CARMIL1: variants seen among roughly 807,000 people sequenced by gnomAD.
CARMIL1 encodes capping protein regulator and myosin 1 linker 1.
A neutral mutation model predicts 177.1 loss-of-function variants in CARMIL1; 90 were observed. That is an observed-to-expected ratio of 0.51 (90% confidence interval 0.43 to 0.61). The LOEUF is 0.61. Ranked by LOEUF, CARMIL1 falls within the 20% of genes least tolerant of loss-of-function variation. CARMIL1 has a pLI of 0.00. For missense variants in CARMIL1, 1,380 were observed against 1,667.0 expected, an observed-to-expected ratio of 0.83 and a Z score of 3.00; for synonymous variants, 577 against 606.2, an observed-to-expected ratio of 0.95 and a Z score of 0.71.
chr6:25,509,797 G>A lies in CARMIL1; in HGVS notation c.1477+60G>A. On this transcript the variant is annotated intron_variant, in intron 18 of 36. Coordinates refer to ENST00000329474, the MANE Select transcript of CARMIL1 (RefSeq NM_017640.6). The surrounding 1 kb of genome is among the most constrained non-coding windows in gnomAD (Gnocchi z 4.1). ...TATTTTTTGAAGCAAGTTAATAAGG[G>A]GAAAATAATCTTCTACCCAAATCCA... The A allele has an allele frequency of 2.5e-6, 3 of 1,198,444 alleles. No homozygotes were observed. The highest frequency in any genetic ancestry group is 1.3e-5 in the South Asian group (1 of 74,448). 74.2% of individuals were successfully genotyped at this position (1,198,444 alleles called of 1,614,324 possible). A position where few individuals can be genotyped will look rare whatever the true frequency, so the allele number is the denominator to read the frequency against.
intron 4 of CARMIL1, among the ~76,000 whole-genome samples, chr6:25,429,074 A>G (rs1257757929): frequency 5.9e-5 from 9 of 152,144 alleles, no homozygotes; most frequent in African/African-American, 1.9e-4. Context: ...CAATTCCTAC[A>G]TATTTTGCTG....
intron 16 of CARMIL1, among the ~76,000 whole-genome samples, chr6:25,496,585 A>G (rs1210174858): frequency 3.9e-5 from 6 of 152,194 alleles, no homozygotes; most frequent in African/African-American, 9.6e-5. Context: ...ATCCCTAAAT[A>G]TAACAGCCAC....
chr6:25,368,430 A>G (rs1179482228), intron 2 of CARMIL1, among the ~76,000 whole-genome samples: 1 of 152,198 alleles, frequency 6.6e-6, no homozygotes, highest in East Asian at 1.9e-4. Flanking sequence ...TTTGAGTTAA[A>G]TTAGCCCAGT....
Position 25,326,759 on chromosome 6 carries a change from G to T in CARMIL1, c.138+41850G>T, listed in dbSNP as rs1237006191. Reference sequence around the variant, plus strand: ...ATGGATTCTGGTGTATGTTTTGAAGGTAGGGATGATAGGACTTTTGTATAT... The same window carrying T: ...ATGGATTCTGGTGTATGTTTTGAAGTTAGGGATGATAGGACTTTTGTATAT... On this transcript the variant is annotated intron_variant, in intron 2 of 36. Coordinates refer to ENST00000329474, the MANE Select transcript of CARMIL1 (RefSeq NM_017640.6). This position sits in a 1 kb window ranked among gnomAD's most constrained non-coding sequence, Gnocchi z 4.2. Among the ~76,000 whole-genome samples the T allele has an allele frequency of 6.6e-6, 1 of 152,128 alleles. No homozygotes were observed. Among genetic ancestry groups the T allele is most frequent in the African/African-American group, 2.4e-5 (1 of 41,428 alleles).
At chr6:25,571,466 C>G (rs535495710) in intron 29 of CARMIL1, among the ~76,000 whole-genome samples, 1 of 152,258 alleles carries the variant, frequency 6.6e-6, no homozygotes, top group African/African-American at 2.4e-5. Flanking sequence ...TATAATTTTG[C>G]AGTTCTGATC....
intron 8 of CARMIL1, among the ~76,000 whole-genome samples, chr6:25,456,122 G>T (rs1357310617): frequency 1.3e-5 from 2 of 152,182 alleles, no homozygotes; most frequent in African/African-American, 4.8e-5. Context: ...GGATGGAGAG[G>T]CATGTGCATC....
chr6:25,332,773 G>GCACACACA lies in CARMIL1; in HGVS notation c.138+47865_138+47866insACACACAC, dbSNP rs376381821. 3.8e-3 allele frequency among the ~76,000 whole-genome samples: 401 copies of GCACACACA among 104,450 alleles called. 4 individuals carry two copies. Among genetic ancestry groups the GCACACACA allele is most frequent in the African/African-American group, 0.012 (353 of 29,520 alleles). The allele number at this position is 104,450 out of a possible 152,430, so 68.5% of individuals were successfully genotyped here. On this transcript the variant is annotated intron_variant, in intron 2 of 36. Transcript: ENST00000329474. ...CACACACACACACACACACACACAC[G>GCACACACA]CGCACACACACACACACACTTCTTT... is the stretch of plus-strand genomic sequence containing the variant.
At chr6:25,355,198 T>C (rs1788475825) in intron 2 of CARMIL1, among the ~76,000 whole-genome samples, 1 of 152,220 alleles carries the variant, frequency 6.6e-6, no homozygotes, top group East Asian at 1.9e-4. Context: ...AAGCTTCTGA[T>C]ATTATAACCA....
At chr6:25,304,022 G>A (rs1328127614) in intron 2 of CARMIL1, among the ~76,000 whole-genome samples, 1 of 152,220 alleles carries the variant, frequency 6.6e-6, no homozygotes, top group Non-Finnish European at 1.5e-5. Flanking sequence ...CTTGTGAAAT[G>A]GGGTTGGGAA....
chr6:25,311,562 A>G (rs1298380109), intron 2 of CARMIL1, among the ~76,000 whole-genome samples: 2 of 152,180 alleles, frequency 1.3e-5, no homozygotes, highest in African/African-American at 2.4e-5. Context: ...AGAGCATTAG[A>G]TGGAGATCTG....
intron 24 of CARMIL1, among the ~76,000 whole-genome samples, chr6:25,532,656 A>G (rs1807888024): frequency 6.6e-6 from 1 of 152,338 alleles, no homozygotes; most frequent in African/African-American, 2.4e-5. Flanking sequence ...GAATGTTTTA[A>G]TGAAATATTG....
At position 25,403,055 on chromosome 6, in the gene CARMIL1, C is replaced by G. The variant is rs1239463230; in HGVS notation, c.139-17059C>G. On this transcript the variant is annotated intron_variant, in intron 2 of 36. Transcript: ENST00000329474. Reference sequence around the variant, plus strand: ...AAAATTCTGGAACCAGCTGTTTCCTCTCAAGTTGCATTTCTTCCATAAAGA... The same window carrying G: ...AAAATTCTGGAACCAGCTGTTTCCTGTCAAGTTGCATTTCTTCCATAAAGA... Among the ~76,000 whole-genome samples, 5 of 149,808 alleles carry G rather than the reference C, an allele frequency of 3.3e-5. No homozygotes were observed. The East Asian group carries it at 9.7e-4, about 29-fold the overall frequency.
chr6:25,365,423 T>A (rs897013980), intron 2 of CARMIL1, among the ~76,000 whole-genome samples: 1 of 152,242 alleles, frequency 6.6e-6, no homozygotes, highest in African/African-American at 2.4e-5. Context: ...GGCAAGAAGC[T>A]GTCAGTGCAC....
chr6:25,491,019 C>T (rs375461495), intron 13 of CARMIL1, among the ~76,000 whole-genome samples: 8 of 152,326 alleles, frequency 5.3e-5, no homozygotes, highest in African/African-American at 1.7e-4. Context: ...TATGGGTGGG[C>T]TCTGGCAGTT....
chr6:25,389,014 A>G (rs1393114921), intron 2 of CARMIL1: 1 of 152,246 alleles, frequency 6.6e-6, no homozygotes, highest in African/African-American at 2.4e-5. Context: ...AGAAAGTAGG[A>G]ATGACTGCCC....
At chr6:25,538,815 C>T (rs1275894071) in intron 25 of CARMIL1, among the ~76,000 whole-genome samples, 3 of 152,144 alleles carry the variant, frequency 2.0e-5, no homozygotes, top group Non-Finnish European at 4.4e-5. Flanking sequence ...TATTAGTGAA[C>T]TGAATCTGTC....
intron 36 of CARMIL1, among the ~76,000 whole-genome samples, chr6:25,617,728 A>G (rs1358830021): frequency 1.3e-5 from 2 of 152,330 alleles, no homozygotes; most frequent in East Asian, 3.9e-4. Context: ...TTAGTATCAA[A>G]TTGGTTTTGT....
chr6:25,528,693 C>T (rs191016330), intron 23 of CARMIL1, 102 bp from the exon 24 acceptor site: 1 of 829,824 alleles, frequency 1.2e-6, no homozygotes, highest in Admixed American at 2.0e-5. Flanking sequence ...TGTGTATATT[C>T]ACGCTTCGGT....
At chr6:25,304,222 C>T (rs953936820) in intron 2 of CARMIL1, among the ~76,000 whole-genome samples, 18 of 152,292 alleles carry the variant, frequency 1.2e-4, no homozygotes, top group South Asian at 4.1e-4. Context: ...TGGCTTGAAA[C>T]GCAGAATAAT....
Sources: gnomAD v4.1 joint callset for allele counts (sites outside exome capture counted in the v4.1 genomes callset) on GRCh38, gnomAD v4.1.1 for gene constraint, Gnocchi (gnomAD v3.1) non-coding constraint, MANE v1.5 for transcripts, NCBI Gene and HGNC (gene_info 2026-07-23, HGNC 2026-07-21) for gene names.